Variants in PRKAR1B observed in about 807,000 individuals in gnomAD.
PRKAR1B encodes cAMP-dependent protein kinase type I-beta regulatory subunit.
In PRKAR1B, 22 loss-of-function variants were observed where a neutral mutation model predicts 46.5. That is an observed-to-expected ratio of 0.47 (90% CI 0.34 to 0.68). PRKAR1B has a LOEUF of 0.68. Among genes scored for constraint, PRKAR1B ranks in the 30% least tolerant of loss-of-function variants. The pLI is 0.01. For synonymous variants in PRKAR1B, 259 were observed against 217.7 expected (o/e 1.19, Z -1.67); for missense variants, 445 against 535.6 (o/e 0.83, Z 1.67).
intron 4 of PRKAR1B, among the ~76,000 whole-genome samples, chr7:637,697 T>TG (rs1193590728): frequency 6.6e-6 from 1 of 151,632 alleles, no homozygotes; most frequent in Non-Finnish European, 1.5e-5. Flanking sequence ...TAGCCGGGTG[T>TG]GGTGGCAGGT....
At chr7:605,687 C>T in intron 6 of PRKAR1B, among the ~76,000 whole-genome samples, 1 of 152,178 alleles carries the variant, frequency 6.6e-6, no homozygotes, top group East Asian at 1.9e-4. Flanking sequence ...GAAGATGACA[C>T]AGTGAGACCC....
intron 8 of PRKAR1B, among the ~76,000 whole-genome samples, chr7:583,457 TCACACACGTGCA>T (rs1780352163): frequency 8.0e-5 from 9 of 112,286 alleles, no homozygotes; most frequent in Middle Eastern, 9.1e-3. Context: ...TCACACCCAC[TCACACACGTGCA>T]CTCACACCCA....
intron 6 of PRKAR1B, among the ~76,000 whole-genome samples, chr7:603,909 T>C (rs909769644): frequency 6.6e-6 from 1 of 150,696 alleles, no homozygotes; most frequent in Admixed American, 6.6e-5. Context: ...GGACCCAGAG[T>C]GTGAACTAGA....
At chr7:583,369 C>CA (rs1780319412) in intron 8 of PRKAR1B, among the ~76,000 whole-genome samples, 1 of 109,732 alleles carries the variant, frequency 9.1e-6, no homozygotes, top group African/African-American at 3.6e-5. Context: ...GCGCACACAC[C>CA]CACTCACACA....
chr7:706,200 C>T (rs1169491776), intron 2 of PRKAR1B, among the ~76,000 whole-genome samples: 1 of 152,144 alleles, frequency 6.6e-6, no homozygotes, highest in Non-Finnish European at 1.5e-5. Flanking sequence ...GTGGTGGGCA[C>T]CGGTACTCCC....
At chr7:612,809 G>A (rs756362462) in intron 4 of PRKAR1B, among the ~76,000 whole-genome samples, 5 of 152,190 alleles carry the variant, frequency 3.3e-5, no homozygotes, top group South Asian at 2.1e-4. Flanking sequence ...AATATTCACC[G>A]AAGCACTGCC....
intron 4 of PRKAR1B, among the ~76,000 whole-genome samples, chr7:675,346 C>CA (rs1299544381): frequency 6.6e-6 from 1 of 152,224 alleles, no homozygotes; most frequent in African/African-American, 2.4e-5. Flanking sequence ...CACACGCCTG[C>CA]AAACACACAG....
upstream of PRKAR1B, among the ~76,000 whole-genome samples, chr7:728,766 G>T (rs962855626): frequency 6.6e-6 from 1 of 152,168 alleles, no homozygotes; most frequent in Non-Finnish European, 1.5e-5. Flanking sequence ...TTGCTGTGGG[G>T]TGAGGGACTG....
chr7:655,312 C>T (rs1012789267), intron 4 of PRKAR1B, among the ~76,000 whole-genome samples: 2 of 152,228 alleles, frequency 1.3e-5, no homozygotes, highest in Non-Finnish European at 2.9e-5. Context: ...TTCCCAGGCT[C>T]TGCTCTGGCT....
chr7:669,125 G>A (rs1027258526), intron 4 of PRKAR1B, among the ~76,000 whole-genome samples: 1 of 152,210 alleles, frequency 6.6e-6, no homozygotes, highest in Admixed American at 6.5e-5. Context: ...TGGCCGTGGA[G>A]TGGAATATTA....
Position 724,985 on chromosome 7 carries a change from C to T in PRKAR1B, c.-23+2225G>A, listed in dbSNP as rs547252694. 4.7e-4 allele frequency among the ~76,000 whole-genome samples: 72 copies of T among 152,284 alleles called. No homozygotes were observed. In the South Asian group the frequency reaches 0.014, roughly 30 times the overall value. ...ATCCCAGCACTCTGGGAGGCTGAGG[C>T]GGGCGGATCACGAGGTCAGGACATC... is the stretch of plus-strand genomic sequence containing the variant. On this transcript the variant is annotated intron_variant, in intron 1 of 10. Transcript: ENST00000537384.
chr7:681,407 G>A (rs1001890541), intron 2 of PRKAR1B, among the ~76,000 whole-genome samples: 7 of 150,830 alleles, frequency 4.6e-5, no homozygotes, highest in African/African-American at 1.7e-4. Context: ...TTCTGTGTAT[G>A]TACCAGTTTT....
chr7:626,439 G>T (rs1004749544), intron 4 of PRKAR1B, among the ~76,000 whole-genome samples: 4 of 152,174 alleles, frequency 2.6e-5, no homozygotes, highest in Non-Finnish European at 5.9e-5. Context: ...CAATTGCAGT[G>T]AGCTATGATT....
chr7:564,476 G>A (rs1779013606), intron 9 of PRKAR1B, among the ~76,000 whole-genome samples: 1 of 152,210 alleles, frequency 6.6e-6, no homozygotes, highest in Non-Finnish European at 1.5e-5. Context: ...GTGGCTCGGA[G>A]CTTTGCACTG....
intron 9 of PRKAR1B, among the ~76,000 whole-genome samples, chr7:564,669 G>A (rs1438044056): frequency 1.3e-5 from 2 of 152,214 alleles, no homozygotes; most frequent in East Asian, 1.9e-4. Context: ...ACTGCCCAGG[G>A]CGCCAGCACT....
chr7:622,124 G>A (rs1225239862), intron 4 of PRKAR1B, among the ~76,000 whole-genome samples: 3 of 152,174 alleles, frequency 2.0e-5, no homozygotes, highest in South Asian at 2.1e-4. Context: ...ACACCTCCCC[G>A]CCCTCACCCA....
chr7:726,076 TGC>T (rs1781255822), intron 1 of PRKAR1B, among the ~76,000 whole-genome samples: 1 of 722 alleles, frequency 1.4e-3, no homozygotes, highest in Non-Finnish European at 3.5e-3. Flanking sequence ...AGTTTCTGCA[TGC>T]AGCCAGTTTC....
chr7:586,500 C>T (rs1240124376), intron 7 of PRKAR1B, among the ~76,000 whole-genome samples: 1 of 152,232 alleles, frequency 6.6e-6, no homozygotes, highest in African/African-American at 2.4e-5. Context: ...ACCTTCCTGC[C>T]ACCCTCCAGC....
At chr7:606,976 T>C (rs1286718149) in intron 5 of PRKAR1B, among the ~76,000 whole-genome samples, 1 of 152,164 alleles carries the variant, frequency 6.6e-6, no homozygotes, top group Non-Finnish European at 1.5e-5. Context: ...ATGCATATTA[T>C]ATGTGTGTAT....
Sources: gnomAD v4.1 joint callset for allele counts (sites outside exome capture counted in the v4.1 genomes callset) on GRCh38, gnomAD v4.1.1 for gene constraint, MANE v1.5 for transcripts, NCBI Gene and HGNC (gene_info 2026-07-23, HGNC 2026-07-21) for gene names.